The following ADCY8 variants were observed in gnomAD, a reference collection of about 807,000 sequenced individuals.
ADCY8 encodes the protein adenylate cyclase type 8.
ADCY8 carries 51 observed loss-of-function variants against 119.7 expected under a neutral mutation model. The ratio of observed to expected loss-of-function variants is 0.43; its 90% CI spans 0.34 to 0.54. ADCY8 has a LOEUF of 0.54. Ranked by LOEUF, ADCY8 falls within the 20% of genes least tolerant of loss-of-function variation. The pLI, the probability that ADCY8 is intolerant of heterozygous loss-of-function variation, is 0.03. For synonymous variants in ADCY8, 665 were observed against 651.0 expected (o/e 1.02, Z -0.33); for missense variants, 1,383 against 1,598.8 (o/e 0.87, Z 2.30).
chr8:130,836,867 G>A (rs1239559248), intron 11 of ADCY8, among the ~76,000 whole-genome samples: 8 of 152,064 alleles, frequency 5.3e-5, no homozygotes, highest in Admixed American at 5.2e-4. Flanking sequence ...CCCAATAGCT[G>A]GGATTACAGG....
chr8:130,857,151 T>C (rs1018986610), intron 9 of ADCY8, among the ~76,000 whole-genome samples: 1 of 149,946 alleles, frequency 6.7e-6, no homozygotes, highest in Non-Finnish European at 1.5e-5. Flanking sequence ...AAATGACGAG[T>C]TAATGGGTGC....
chr8:131,029,446 G>A (rs1477676370), intron 1 of ADCY8, among the ~76,000 whole-genome samples: 1 of 152,156 alleles, frequency 6.6e-6, no homozygotes, highest in Non-Finnish European at 1.5e-5. Context: ...AGCTATAAAA[G>A]CAAAGAACTC....
At chr8:130,807,892 G>A (rs1406041250) in intron 14 of ADCY8, among the ~76,000 whole-genome samples, 1 of 140,940 alleles carries the variant, frequency 7.1e-6, no homozygotes, top group African/African-American at 2.6e-5. Context: ...GCTGAGGCAG[G>A]AGAATGGCGT....
At chr8:130,985,001 A>C (rs899664682) in intron 2 of ADCY8, among the ~76,000 whole-genome samples, 2 of 152,206 alleles carry the variant, frequency 1.3e-5, no homozygotes, top group African/African-American at 4.8e-5. Context: ...GAAGGGGTCA[A>C]GGAGAGGCCC....
chr8:130,905,108 C>T (rs556407009), intron 6 of ADCY8, among the ~76,000 whole-genome samples: 9 of 152,100 alleles, frequency 5.9e-5, no homozygotes, highest in African/African-American at 2.2e-4. Flanking sequence ...GATTATTCTA[C>T]GAGTTGATTT....
intron 8 of ADCY8, among the ~76,000 whole-genome samples, chr8:130,877,046 A>ACT (rs1462559811): frequency 1.3e-5 from 2 of 152,156 alleles, no homozygotes; most frequent in East Asian, 3.9e-4. Context: ...TACAATTAGT[A>ACT]CCTCCATAAA....
intron 1 of ADCY8, among the ~76,000 whole-genome samples, chr8:131,001,491 G>C (rs1446345671): frequency 2.0e-5 from 3 of 151,474 alleles, no homozygotes; most frequent in African/African-American, 7.3e-5. Context: ...ATAAACCCTT[G>C]CCTCATACAA....
In ADCY8 at chr8:130,828,345, C is replaced by A. The variant is rs573992357; in HGVS notation, c.2676-6925G>T. On this transcript the variant is annotated intron_variant, in intron 12 of 17. Transcript: ENST00000286355. ...AGGAACAGAGGGTCCCCCCCACCCACAGTGAGTGTCTCTCTCTGCCCTTGG... is the reference window on the plus strand; with the variant it reads ...AGGAACAGAGGGTCCCCCCCACCCAAAGTGAGTGTCTCTCTCTGCCCTTGG... 2.5e-3 allele frequency among the ~76,000 whole-genome samples: 384 copies of A among 152,352 alleles called. 3 individuals carry two copies. Among genetic ancestry groups the A allele is most frequent in the African/African-American group, 8.7e-3 (361 of 41,580 alleles).
At chr8:130,930,820 A>G (rs1820609322) in intron 5 of ADCY8, among the ~76,000 whole-genome samples, 2 of 152,116 alleles carry the variant, frequency 1.3e-5, no homozygotes, top group Admixed American at 6.6e-5. Context: ...TTTATCCTAC[A>G]TTACAAAGAT....
intron 2 of ADCY8, among the ~76,000 whole-genome samples, chr8:130,956,970 C>CT (rs1419602652): frequency 6.6e-6 from 1 of 152,152 alleles, no homozygotes; most frequent in Non-Finnish European, 1.5e-5. Context: ...TTGGGTATAT[C>CT]TTTACTAGTA....
chr8:130,966,984 C>A (rs1203955767), intron 2 of ADCY8, among the ~76,000 whole-genome samples: 1 of 151,938 alleles, frequency 6.6e-6, no homozygotes, highest in Non-Finnish European at 1.5e-5. Flanking sequence ...AGGAATTACC[C>A]AGAAAATATA....
intron 12 of ADCY8, among the ~76,000 whole-genome samples, chr8:130,835,900 G>A (rs1273284823): frequency 1.3e-5 from 2 of 152,210 alleles, no homozygotes; most frequent in Admixed American, 1.3e-4. Flanking sequence ...CCAACTGTAC[G>A]ATGCAATGGG....
At chr8:130,868,861 A>G (rs1818224302) in intron 8 of ADCY8, among the ~76,000 whole-genome samples, 1 of 152,230 alleles carries the variant, frequency 6.6e-6, no homozygotes. Flanking sequence ...GGTTACTTCA[A>G]ACAAGAAGCT....
At chr8:130,952,759 C>T (rs898262607) in intron 2 of ADCY8, among the ~76,000 whole-genome samples, 9 of 152,010 alleles carry the variant, frequency 5.9e-5, no homozygotes, top group African/African-American at 2.2e-4. Flanking sequence ...CTGGAGTGTC[C>T]AGGTGAGATA....
At chr8:130,795,110 A>C (rs1037261490) in intron 15 of ADCY8, among the ~76,000 whole-genome samples, 1 of 152,202 alleles carries the variant, frequency 6.6e-6, no homozygotes, top group African/African-American at 2.4e-5. Context: ...AAACATTTTA[A>C]AGAGATTAAA....
At chr8:130,896,306 G>C (rs1296741552) in intron 7 of ADCY8, among the ~76,000 whole-genome samples, 3 of 152,110 alleles carry the variant, frequency 2.0e-5, no homozygotes, top group Non-Finnish European at 4.4e-5. Flanking sequence ...TAGTTTCTCA[G>C]TAAGCTGTTG....
chr8:130,875,729 A>C (rs1392390573), intron 8 of ADCY8, among the ~76,000 whole-genome samples: 7 of 152,146 alleles, frequency 4.6e-5, no homozygotes, highest in Admixed American at 3.3e-4. Context: ...TTTTTCTTGA[A>C]GTTTTTAAAG....
chr8:130,984,133 A>G (rs907303028), intron 2 of ADCY8, among the ~76,000 whole-genome samples: 4 of 151,702 alleles, frequency 2.6e-5, no homozygotes, highest in African/African-American at 9.7e-5. Context: ...AAGAGCTTGC[A>G]TGGGCGGGCT....
In ADCY8 at chr8:130,847,488, A is replaced by G; in HGVS notation, c.2438T>C (p.Ile813Thr). 6.2e-7 allele frequency: 1 copy of G among 1,609,176 alleles called. No individual in the cohort carries two copies. Among genetic ancestry groups the G allele is most frequent in the South Asian group, 1.1e-5 (1 of 90,908 alleles). The change falls in exon 11 of 18, where the codon ATA becomes ACA. Residue 813 changes from isoleucine (I) to threonine (T), a missense_variant. Physicochemically the swap from Ile to Thr is moderately conservative, Grantham distance 89. Around this residue, in one of 2 missense-constraint regions of ADCY8, gnomAD observed 928 missense variants for 1,163.5 expected, o/e 0.80. Coordinates refer to ENST00000286355, the MANE Select transcript of ADCY8 (RefSeq NM_001115.3). The stretch of plus-strand genomic sequence containing the variant: ...ATTGAAAGTCAGGTTCTTCAAGGGT[A>G]TCGACTTGTCAAAATCACACCACAG... Reference protein sequence around the residue: ...NILWCDFDKSIPLKNLTFNSS... With the variant: ...NILWCDFDKSTPLKNLTFNSS...
Sources: allele counts gnomAD v4.1 joint callset (sites outside exome capture counted in the v4.1 genomes callset), GRCh38; gene constraint gnomAD v4.1.1; regional missense constraint gnomAD v4.1.1; transcripts MANE v1.5; gene names NCBI Gene and HGNC (gene_info 2026-07-23, HGNC 2026-07-21).